Variants in PIGN observed in about 807,000 individuals in gnomAD.
PIGN encodes the protein phosphatidylinositol glycan anchor biosynthesis class N, also known as GPI ethanolamine phosphate transferase 1.
PIGN carries 117 observed loss-of-function variants against 125.4 expected under a neutral mutation model. That is an observed-to-expected ratio of 0.93 (90% CI 0.80 to 1.09). The LOEUF is 1.09. Ranked by LOEUF, PIGN falls within the 50% of genes least tolerant of loss-of-function variation. PIGN has a pLI of 0.00. For synonymous variants in PIGN, 392 were observed against 377.8 expected (o/e 1.04, Z -0.44); for missense variants, 1,075 against 1,094.9 (o/e 0.98, Z 0.26).
In PIGN at chr18:62,069,035, C is replaced by G. The variant is rs541763159; in HGVS notation, c.2672+3638G>C. ...CTCCAGCCTTATGCTTCCTGAAAGC[C>G]CAGAACTGTGAGTTTCTCATCCCCA... On this transcript the variant is annotated intron_variant, in intron 30 of 30. Transcript: ENST00000640252. 9.2e-5 allele frequency among the ~76,000 whole-genome samples: 14 copies of G among 152,278 alleles called. 1 individual carries two copies. The South Asian group carries it at 2.9e-3, about 32-fold the overall frequency.
At chr18:62,052,317 T>C (rs924203594) in intron 30 of PIGN, 3 of 151,170 alleles carry the variant, frequency 2.0e-5, no homozygotes, top group African/African-American at 7.3e-5. Flanking sequence ...AAGTCTCCCA[T>C]TATTAATGTG....
chr18:62,055,738 A>G (rs1052690160), intron 30 of PIGN, among the ~76,000 whole-genome samples: 1 of 151,994 alleles, frequency 6.6e-6, no homozygotes, highest in South Asian at 2.1e-4. Flanking sequence ...GTTTAATTAA[A>G]AATTTTTTTT....
At chr18:62,104,801 C>T (rs2034575532) in intron 20 of PIGN, among the ~76,000 whole-genome samples, 1 of 151,966 alleles carries the variant, frequency 6.6e-6, no homozygotes, top group African/African-American at 2.4e-5. Context: ...AAGAAAGTAA[C>T]AAAGATGATT....
rs2034954477 is a variant in PIGN at position 62,113,255 on chromosome 18, T to C, written c.1313A>G (p.Tyr438Cys). Residue 438 changes from tyrosine to cysteine, a missense_variant, in exon 16 of 31, where the codon TAT (tyrosine) becomes TGT (cysteine). Physicochemically the swap from Tyr to Cys is radical, Grantham distance 194. Transcript: ENST00000640252. Reference sequence around the variant, plus strand: ...ATTGACGCCCAAAAAGAATCTGTCATATGTGTGATAATAGGACAATCCTTT... The same window carrying C: ...ATTGACGCCCAAAAAGAATCTGTCACATGTGTGATAATAGGACAATCCTTT... Reference protein sequence around the residue: ...ALKGLSYYHTYDRFFLGVNVV... With the variant: ...ALKGLSYYHTCDRFFLGVNVV... 12 of 1,613,022 alleles carry C rather than the reference T, an allele frequency of 7.4e-6. No individual in the cohort carries two copies. The highest frequency in any genetic ancestry group is 1.0e-5 in the Non-Finnish European group (12 of 1,179,348).
In PIGN at chr18:62,030,031, C is replaced by T. The variant is rs75310941; in HGVS notation, c.2143-12290G>A. Among the ~76,000 whole-genome samples, 20 of 152,278 alleles carry T rather than the reference C, an allele frequency of 1.3e-4. No individual in the cohort carries two copies. In the East Asian group the frequency reaches 2.5e-3, roughly 19 times the overall value. On this transcript the variant is annotated intron_variant, in intron 23 of 24. Coordinates refer to the PIGN transcript ENST00000639600. ...AACAGGTCCTCCTCTCATTATTCTC[C>T]GGTCTCAGACTCCAGTGAGTTTGGT... is the stretch of plus-strand genomic sequence containing the variant.
chr18:62,135,307 A>T (rs75972354), intron 14 of PIGN, among the ~76,000 whole-genome samples: 1,611 of 152,092 alleles, frequency 0.011, 47 homozygotes, highest in East Asian at 0.068. Context: ...ATGTTATCTT[A>T]GATTTTTTTG....
chr18:62,071,864 A>ATATATATATATATATATATG (rs2032875993), intron 30 of PIGN, among the ~76,000 whole-genome samples: 39 of 1,248 alleles, frequency 0.031, 1 homozygote, highest in African/African-American at 0.066. Context: ...CTCCTTTTCC[A>ATATATATATATATATATATG]TATATATATA....
At chr18:62,027,721 C>T (rs1019066201) in intron 23 of PIGN, among the ~76,000 whole-genome samples, 2 of 152,050 alleles carry the variant, frequency 1.3e-5, no homozygotes, top group Non-Finnish European at 2.9e-5. Flanking sequence ...AATTTTGGGT[C>T]GCCAAGATTT....
chr18:62,132,679 T>TA (rs201594780), intron 14 of PIGN, among the ~76,000 whole-genome samples: 1,519 of 151,240 alleles, frequency 0.01, 45 homozygotes, highest in East Asian at 0.068. Flanking sequence ...CCATCTCTAT[T>TA]AAAAAAAAAT....
chr18:62,074,924 T>C (rs2033095067), intron 28 of PIGN, 103 bp from the exon 29 acceptor site: 2 of 734,244 alleles, frequency 2.7e-6, no homozygotes, highest in African/African-American at 1.8e-5. Context: ...GTATTGTTGG[T>C]ATTTTTGCTT....
chr18:62,148,220 G>T lies in PIGN; in HGVS notation c.668C>A (p.Ser223Tyr). The T allele has an allele frequency of 6.5e-7, 1 of 1,540,786 alleles. No individual in the cohort carries two copies. The highest frequency in any genetic ancestry group is 8.8e-7 in the Non-Finnish European group (1 of 1,142,282). The change falls in exon 8 of 31, where the codon TCC (serine) becomes TAC (tyrosine). Residue 223 changes from serine to tyrosine, a missense_variant. By Grantham distance (144) the Ser-to-Tyr change is moderately radical. This residue lies in a region of PIGN where 915 missense variants were observed against 908.7 expected (regional missense o/e 1.01). Coordinates refer to ENST00000640252, the MANE Select transcript of PIGN (RefSeq NM_176787.5). ...AAACACAATATTAAATTACCTCGAG[G>T]ATGGTCGATGAGCATGTCCGTTTGT... is the stretch of plus-strand genomic sequence containing the variant. ...IDTNGHAHRPSSRDYKHNIKK... is the reference protein window; with the variant it reads ...IDTNGHAHRPYSRDYKHNIKK...
intron 7 of PIGN, among the ~76,000 whole-genome samples, chr18:62,152,867 TA>T (rs139755988): frequency 0.099 from 5,392 of 54,480 alleles, 122 homozygotes; most frequent in East Asian, 0.21. Context: ...TATATATATA[TA>T]TTTTTTTTTT....
intron 22 of PIGN, 109 bp downstream of exon 22, chr18:62,100,966 C>A (rs1022114840): frequency 3.2e-5 from 22 of 679,996 alleles, no homozygotes; most frequent in Admixed American, 1.8e-4. Context: ...TATTATTTTC[C>A]TGCAATAAAA....
At chr18:62,072,144 A>G (rs1022109285) in intron 30 of PIGN, among the ~76,000 whole-genome samples, 5 of 150,548 alleles carry the variant, frequency 3.3e-5, no homozygotes, top group South Asian at 2.1e-4. Flanking sequence ...AAAATATTAA[A>G]TTAAAATATT....
chr18:62,152,068 G>GGAAT (rs569067041), intron 7 of PIGN, among the ~76,000 whole-genome samples: 82 of 152,210 alleles, frequency 5.4e-4, no homozygotes, highest in African/African-American at 1.9e-3. Context: ...ATATATTTAA[G>GGAAT]GAATACATTG....
chr18:62,169,656 T>C (rs2037281984), intron 1 of PIGN, among the ~76,000 whole-genome samples: 1 of 152,084 alleles, frequency 6.6e-6, no homozygotes, highest in Non-Finnish European at 1.5e-5. Flanking sequence ...AGTCTTGCTC[T>C]GTTGCCCAGG....
chr18:62,117,931 T>C (rs80333214), intron 14 of PIGN, among the ~76,000 whole-genome samples: 1 of 152,112 alleles, frequency 6.6e-6, no homozygotes, highest in Non-Finnish European at 1.5e-5. Context: ...TATTGCAATA[T>C]ACAAGACGCA....
intron 23 of PIGN, among the ~76,000 whole-genome samples, chr18:62,026,571 C>T (rs1237024095): frequency 6.6e-6 from 1 of 152,210 alleles, no homozygotes; most frequent in African/African-American, 2.4e-5. Context: ...CCAAACCTTT[C>T]AAGTTGGAGA....
In PIGN at chr18:62,084,557, T is replaced by A. The variant is rs1298359810; in HGVS notation, c.2476A>T (p.Met826Leu). The A allele has an allele frequency of 6.4e-7, 1 of 1,558,350 alleles. No individual in the cohort carries two copies. Among genetic ancestry groups the A allele is most frequent in the Non-Finnish European group, 8.7e-7 (1 of 1,149,838 alleles). Residue 826 changes from methionine (M) to leucine (L), a missense_variant, in exon 27 of 31, where the codon ATG (methionine) becomes TTG (leucine). By Grantham distance (15) the Met-to-Leu change is conservative (BLOSUM62 2). This residue lies in a region of PIGN where 915 missense variants were observed against 908.7 expected (regional missense o/e 1.01). Coordinates refer to ENST00000640252, the MANE Select transcript of PIGN (RefSeq NM_176787.5). Reference sequence around the variant, plus strand: ...TTCCACATCATCAGGGCTCCCATCATAAAAGGACTGAACACAGTCAGAAAG... The same window carrying A: ...TTCCACATCATCAGGGCTCCCATCAAAAAAGGACTGAACACAGTCAGAAAG... ...YCFLTVFSPFMMGALMMWKIL... is the reference protein window; with the variant it reads ...YCFLTVFSPFLMGALMMWKIL...
Sources: gnomAD v4.1 joint callset for allele counts (sites outside exome capture counted in the v4.1 genomes callset) on GRCh38, gnomAD v4.1.1 for gene constraint, gnomAD v4.1.1 regional missense constraint, MANE v1.5 for transcripts, NCBI Gene and HGNC (gene_info 2026-07-23, HGNC 2026-07-21) for gene names.